The following STARD3NL variants were observed in gnomAD, a reference collection of about 807,000 sequenced individuals.
STARD3NL encodes the protein STARD3 N-terminal like.
In STARD3NL, 17 loss-of-function variants were observed where a neutral mutation model predicts 30.9. The ratio of observed to expected loss-of-function variants is 0.55; its 90% CI spans 0.38 to 0.82. STARD3NL has a LOEUF of 0.82. Among genes scored for constraint, STARD3NL ranks in the 40% least tolerant of loss-of-function variants. The probability of loss-of-function intolerance (pLI) is 0.00; values close to 1 mark genes in which losing one functional copy is unlikely to be tolerated. For missense variants in STARD3NL, 234 were observed against 277.6 expected (o/e 0.84, Z 1.12); for synonymous variants, 112 against 100.5 (o/e 1.11, Z -0.69).
At chr7:38,186,747 C>T (rs995757659) in intron 1 of STARD3NL, among the ~76,000 whole-genome samples, 30 of 152,298 alleles carry the variant, frequency 2.0e-4, no homozygotes, top group Middle Eastern at 3.4e-3. Context: ...ACAGTGGGCT[C>T]TACCATCTAG....
At chr7:38,227,907 T>C (rs147517492) in intron 7 of STARD3NL, among the ~76,000 whole-genome samples, 49 of 152,312 alleles carry the variant, frequency 3.2e-4, no homozygotes, top group African/African-American at 1.2e-3. Context: ...TTAAAAATTA[T>C]TAATAAAGTC....
intron 7 of STARD3NL, among the ~76,000 whole-genome samples, chr7:38,226,708 C>T (rs948878142): frequency 2.0e-5 from 3 of 152,228 alleles, no homozygotes; most frequent in Non-Finnish European, 4.4e-5. Flanking sequence ...GTGGTGACCA[C>T]AACTCAGCCT....
At chr7:38,223,459 G>A (rs1017278133) in intron 7 of STARD3NL, among the ~76,000 whole-genome samples, 1 of 152,094 alleles carries the variant, frequency 6.6e-6, no homozygotes, top group African/African-American at 2.4e-5. Flanking sequence ...CTAAACCATG[G>A]AAAGATTAAC....
intron 1 of STARD3NL, among the ~76,000 whole-genome samples, chr7:38,195,369 T>C (rs1441510072): frequency 6.6e-6 from 1 of 152,180 alleles, no homozygotes; most frequent in East Asian, 1.9e-4. Flanking sequence ...CTTATCAGTT[T>C]TTAAAAATCC....
intron 7 of STARD3NL, among the ~76,000 whole-genome samples, chr7:38,222,405 G>C (rs1314593223): frequency 6.6e-6 from 1 of 152,112 alleles, no homozygotes; most frequent in African/African-American, 2.4e-5. Flanking sequence ...CTAGAATTTA[G>C]TATTAAATTG....
intron 1 of STARD3NL, among the ~76,000 whole-genome samples, chr7:38,191,810 GTAATGTGTCTTCTA>G (rs1355822645): frequency 1.3e-5 from 2 of 151,884 alleles, no homozygotes; most frequent in Non-Finnish European, 2.9e-5. Context: ...TTTAAGCTAG[GTAATGTGTCTTCTA>G]TTTTTGTTCT....
At chr7:38,194,189 C>G (rs1784810614) in intron 1 of STARD3NL, among the ~76,000 whole-genome samples, 1 of 152,108 alleles carries the variant, frequency 6.6e-6, no homozygotes, top group Non-Finnish European at 1.5e-5. Context: ...ATTACTTATA[C>G]TTTGAAAGTG....
chr7:38,215,240 C>T (rs1786036765), intron 4 of STARD3NL, 135 bp downstream of exon 4: 2 of 737,098 alleles, frequency 2.7e-6, no homozygotes, highest in Admixed American at 5.3e-5. Context: ...GTCCCGTTTC[C>T]TCCATACTTA....
At chr7:38,212,330 C>T (rs769624497) in intron 2 of STARD3NL, among the ~76,000 whole-genome samples, 2 of 152,140 alleles carry the variant, frequency 1.3e-5, no homozygotes, top group Non-Finnish European at 2.9e-5. Flanking sequence ...TCTTGGGACC[C>T]TTCTACTAGT....
intron 1 of STARD3NL, among the ~76,000 whole-genome samples, chr7:38,184,800 A>AT (rs144376778): frequency 0.019 from 2,706 of 145,708 alleles, 83 homozygotes; most frequent in African/African-American, 0.064. Flanking sequence ...CAATAAAGAA[A>AT]ATTATGACTA....
intron 1 of STARD3NL, among the ~76,000 whole-genome samples, chr7:38,185,893 G>A (rs1214901194): frequency 1.3e-5 from 2 of 152,188 alleles, no homozygotes; most frequent in Non-Finnish European, 2.9e-5. Context: ...AGAGCAGTGA[G>A]CTCACCACTG....
rs1786328371 is a variant in STARD3NL at position 38,219,579 on chromosome 7, C to G, written c.568C>G (p.Gln190Glu). 1 of 1,609,194 alleles carries G rather than the reference C, an allele frequency of 6.2e-7. No individual in the cohort carries two copies. The highest frequency in any genetic ancestry group is 1.3e-5 in the African/African-American group (1 of 74,850). ...AEEENRLLIVQDASERAALIP... is the reference protein window; with the variant it reads ...AEEENRLLIVEDASERAALIP... ...TTCTCTTCCAGGACTCCTGATAGTT[C>G]AGGATGCTTCAGAGAGGGCAGCACT... The change falls in exon 7 of 9, where the codon CAG (glutamine) becomes GAG (glutamate). Residue 190 changes from glutamine to glutamate, a missense_variant. Physicochemically the swap from Gln to Glu is conservative, Grantham distance 29. Transcript: ENST00000009041.
At chr7:38,178,820 C>T (rs1236067434) in intron 1 of STARD3NL, among the ~76,000 whole-genome samples, 2 of 148,044 alleles carry the variant, frequency 1.4e-5, no homozygotes, top group African/African-American at 5.0e-5. Context: ...TGTCCAGACA[C>T]AGGCGGTTGT....
At chr7:38,210,968 A>C (rs1295222459) in intron 2 of STARD3NL, among the ~76,000 whole-genome samples, 1 of 152,160 alleles carries the variant, frequency 6.6e-6, no homozygotes. Context: ...TAATAAACTA[A>C]TACTGGTCTT....
At chr7:38,217,427 C>T (rs2065553182) in intron 6 of STARD3NL, 122 bp downstream of exon 6, 1 of 842,372 alleles carries the variant, frequency 1.2e-6, no homozygotes, top group South Asian at 1.6e-5. Flanking sequence ...GTGGGGTCTT[C>T]ATTCTTTAGT....
intron 1 of STARD3NL, among the ~76,000 whole-genome samples, chr7:38,202,558 A>G (rs1785233787): frequency 6.6e-6 from 1 of 152,032 alleles, no homozygotes; most frequent in South Asian, 2.1e-4. Context: ...TTTTTTTTTA[A>G]CATTTTTATT....
chr7:38,215,004 AT>A (rs1337533328), intron 3 of STARD3NL, 23 bp from the exon 4 acceptor site: 10 of 1,601,886 alleles, frequency 6.2e-6, no homozygotes, highest in African/African-American at 5.3e-5. Context: ...TTTTTAAAAC[AT>A]CCCTTTATTT....
In STARD3NL at chr7:38,217,220, GC is replaced by G; in HGVS notation, c.471del (p.Ile158SerfsTer30). Reference sequence around the variant, plus strand: ...CTCAAGGGGCTTTTGGCTATGTGCTGCCCATCATTTCATTCATCCTTGCCTG... The same window carrying G: ...CTCAAGGGGCTTTTGGCTATGTGCTGCCATCATTTCATTCATCCTTGCCTG... Reference protein sequence around the residue: ...FSQGAFGYVLPIISFILAWIE... With the variant: ...FSQGAFGYVLXIISFILAWIE... On this transcript the variant is annotated frameshift_variant, in exon 6 of 9. Transcript: ENST00000009041. LOFTEE classifies it high-confidence loss of function. 6.2e-7 allele frequency: 1 copy of G among 1,614,046 alleles called. No individual in the cohort carries two copies. The highest frequency in any genetic ancestry group is 1.1e-5 in the South Asian group (1 of 91,092).
chr7:38,216,223 G>A lies in STARD3NL; in HGVS notation c.382-802G>A, dbSNP rs187729763. On this transcript the variant is annotated intron_variant, in intron 4 of 8. Coordinates refer to ENST00000009041, the MANE Select transcript of STARD3NL (RefSeq NM_032016.4). The stretch of plus-strand genomic sequence containing the variant: ...TGTTTGACATATAGATATTCAGTGA[G>A]AGCTGTAAGACAGTATCTTCAATAT... 9 of 152,306 alleles carry A rather than the reference G, an allele frequency of 5.9e-5. No homozygotes were observed. The South Asian group carries it at 1.9e-3, about 32-fold the overall frequency. The allele number at this position is 152,306 out of a possible 1,614,324, so 9.4% of individuals were successfully genotyped here. A position where few individuals can be genotyped will look rare whatever the true frequency, so the allele number is the denominator to read the frequency against.
Sources: allele counts gnomAD v4.1 joint callset (sites outside exome capture counted in the v4.1 genomes callset), GRCh38; gene constraint gnomAD v4.1.1; transcripts MANE v1.5; gene names NCBI Gene and HGNC (gene_info 2026-07-23, HGNC 2026-07-21).